TBL1XR1: variants seen among roughly 807,000 people sequenced by gnomAD.
The protein encoded by TBL1XR1 is F-box-like/WD repeat-containing protein TBL1XR1.
TBL1XR1 carries 5 observed loss-of-function variants against 66.9 expected under a neutral mutation model. The ratio of observed to expected loss-of-function variants is 0.07; its 90% CI spans 0.04 to 0.16. TBL1XR1 has a LOEUF of 0.16. Among genes scored for constraint, TBL1XR1 ranks in the 10% least tolerant of loss-of-function variants. The pLI is 1.00. For missense variants in TBL1XR1, 238 were observed against 623.2 expected (o/e 0.38, Z 6.58); for synonymous variants, 210 against 206.0 (o/e 1.02, Z -0.17).
chr3:177,069,746 GAAA>G (rs1719640175), intron 2 of TBL1XR1, among the ~76,000 whole-genome samples: 1 of 138,474 alleles, frequency 7.2e-6, no homozygotes, highest in African/African-American at 2.7e-5. Context: ...CGAAAGAAAA[GAAA>G]GAAAGGAAAG....
chr3:177,123,501 C>A (rs1727236783), intron 1 of TBL1XR1, among the ~76,000 whole-genome samples: 1 of 152,006 alleles, frequency 6.6e-6, no homozygotes, highest in Non-Finnish European at 1.5e-5. Flanking sequence ...AGAGGCTAAG[C>A]TCAAAAAGGT....
At chr3:177,147,219 T>C (rs1466491896) in intron 1 of TBL1XR1, among the ~76,000 whole-genome samples, 2 of 152,136 alleles carry the variant, frequency 1.3e-5, no homozygotes, top group East Asian at 1.9e-4. Context: ...GCTAACATTT[T>C]TGGTTTTTTT....
intron 4 of TBL1XR1, among the ~76,000 whole-genome samples, chr3:177,052,258 A>G (rs943743565): frequency 2.6e-5 from 4 of 152,222 alleles, no homozygotes; most frequent in African/African-American, 9.6e-5. Flanking sequence ...AGCTCTACTT[A>G]TTGATATTAG....
At chr3:177,038,225 T>C (rs1715089871) in intron 11 of TBL1XR1, 53 bp from the exon 12 acceptor site, 2 of 1,603,282 alleles carry the variant, frequency 1.2e-6, no homozygotes, top group Admixed American at 3.4e-5. Flanking sequence ...GGGTAGCTAC[T>C]TGAATATTAA....
chr3:177,133,450 G>GGA (rs1243431046), intron 1 of TBL1XR1, among the ~76,000 whole-genome samples: 1 of 152,056 alleles, frequency 6.6e-6, no homozygotes, highest in African/African-American at 2.4e-5. Flanking sequence ...TTTTACACCA[G>GGA]GTGTGTGCCC....
intron 1 of TBL1XR1, among the ~76,000 whole-genome samples, chr3:177,148,417 G>A (rs376884511): frequency 2.3e-4 from 35 of 152,250 alleles, no homozygotes; most frequent in African/African-American, 8.2e-4. Flanking sequence ...CATACTCTTT[G>A]ATCTCAAAAA....
intron 1 of TBL1XR1, among the ~76,000 whole-genome samples, chr3:177,181,732 T>G (rs778455641): frequency 2.6e-5 from 4 of 151,460 alleles, no homozygotes; most frequent in Non-Finnish European, 5.9e-5. Context: ...GCAGTAGATG[T>G]ATGGACTGGG....
chr3:177,155,377 T>A lies in TBL1XR1; in HGVS notation c.-122+41744A>T, dbSNP rs111732417. Among the ~76,000 whole-genome samples, 249 of 152,268 alleles carry A rather than the reference T, an allele frequency of 1.6e-3. 3 individuals are homozygous for A. The highest frequency in any genetic ancestry group is 5.5e-3 in the African/African-American group (227 of 41,560). On this transcript the variant is annotated intron_variant, in intron 1 of 15. Transcript: ENST00000457928. ...ACATAGCCACAGACTCCACATTAAT[T>A]GAAAGAATATTAAGCTAATAATTTC... is the stretch of plus-strand genomic sequence containing the variant.
At chr3:177,173,187 CAAACA>C (rs768864920) in intron 1 of TBL1XR1, among the ~76,000 whole-genome samples, 36 of 152,206 alleles carry the variant, frequency 2.4e-4, no homozygotes, top group Admixed American at 5.2e-4. Context: ...AACTCCATCT[CAAACA>C]AAACAAAACA....
At chr3:177,075,549 T>G (rs13321989) in intron 2 of TBL1XR1, among the ~76,000 whole-genome samples, 47,534 of 152,104 alleles carry the variant, frequency 0.31, 7,858 homozygotes, top group East Asian at 0.58. Context: ...CAGATTTCCA[T>G]CTTAGAAAGA....
intron 9 of TBL1XR1, 97 bp downstream of exon 9, chr3:177,047,203 A>G: frequency 1.0e-6 from 1 of 996,664 alleles, no homozygotes; most frequent in Non-Finnish European, 1.5e-6. Context: ...GAATTTCCCA[A>G]ATAGGAATGT....
chr3:177,155,126 G>A (rs1731338715), intron 1 of TBL1XR1, among the ~76,000 whole-genome samples: 1 of 152,014 alleles, frequency 6.6e-6, no homozygotes, highest in Admixed American at 6.6e-5. Context: ...ACACCTTAAG[G>A]GCACTATTTC....
chr3:177,038,845 A>T (rs533236162), intron 10 of TBL1XR1, among the ~76,000 whole-genome samples: 6 of 152,334 alleles, frequency 3.9e-5, no homozygotes, highest in African/African-American at 1.4e-4. Context: ...GGACACAAGC[A>T]AGTCACTTAA....
intron 1 of TBL1XR1, among the ~76,000 whole-genome samples, chr3:177,116,929 G>A (rs772962336): frequency 6.6e-6 from 1 of 152,144 alleles, no homozygotes; most frequent in Admixed American, 6.5e-5. Flanking sequence ...GAAATAAACT[G>A]TCAATCCACC....
intron 1 of TBL1XR1, among the ~76,000 whole-genome samples, chr3:177,141,817 A>G (rs1920129): frequency 0.54 from 81,573 of 152,056 alleles, 22,506 homozygotes; most frequent in Non-Finnish European, 0.6. Context: ...CAAAGTGTCC[A>G]TCAACAGATA....
chr3:177,127,035 T>A (rs558470629), intron 1 of TBL1XR1, among the ~76,000 whole-genome samples: 1 of 152,328 alleles, frequency 6.6e-6, no homozygotes, highest in South Asian at 2.1e-4. Flanking sequence ...ATAAAATGCG[T>A]TCAACAATAC....
At chr3:177,124,301 T>C (rs1320277986) in intron 1 of TBL1XR1, among the ~76,000 whole-genome samples, 1 of 152,110 alleles carries the variant, frequency 6.6e-6, no homozygotes, top group East Asian at 1.9e-4. Context: ...AATCCTAGCA[T>C]AGTCACATGA....
intron 2 of TBL1XR1, among the ~76,000 whole-genome samples, chr3:177,094,491 G>A (rs574067508): frequency 1.3e-3 from 194 of 152,268 alleles, no homozygotes; most frequent in African/African-American, 4.5e-3. Flanking sequence ...CAGAGAAAAA[G>A]AAGTCATTAT....
intron 1 of TBL1XR1, among the ~76,000 whole-genome samples, chr3:177,153,670 C>G (rs1365207079): frequency 6.6e-6 from 1 of 151,976 alleles, no homozygotes; most frequent in African/African-American, 2.4e-5. Context: ...GGTGAATCAC[C>G]TGACGTCAGG....
Sources: gnomAD v4.1 joint callset for allele counts (sites outside exome capture counted in the v4.1 genomes callset) on GRCh38, gnomAD v4.1.1 for gene constraint, MANE v1.5 for transcripts, NCBI Gene and HGNC (gene_info 2026-07-23, HGNC 2026-07-21) for gene names.